WDR26: variants seen among roughly 807,000 people sequenced by gnomAD.
WDR26 encodes the protein WD repeat-containing protein 26.
In WDR26, 5 loss-of-function variants were observed where a neutral mutation model predicts 84.1. The observed-to-expected ratio is 0.06, with a 90% CI of 0.03 to 0.13. The LOEUF is 0.13. Among genes scored for constraint, WDR26 ranks in the 10% least tolerant of loss-of-function variants. The pLI, the probability that WDR26 is intolerant of heterozygous loss-of-function variation, is 1.00. For missense variants in WDR26, 642 were observed against 974.9 expected (o/e 0.66, Z 4.55); for synonymous variants, 415 against 389.6 (o/e 1.07, Z -0.77).
chr1:224,399,918 G>C (rs1001297439), intron 9 of WDR26, among the ~76,000 whole-genome samples: 1 of 152,148 alleles, frequency 6.6e-6, no homozygotes, highest in East Asian at 1.9e-4. Context: ...GCTGCAGTGA[G>C]CCATGATCAC....
chr1:224,418,858 C>T (rs1259784016), intron 5 of WDR26, among the ~76,000 whole-genome samples: 1 of 152,128 alleles, frequency 6.6e-6, no homozygotes, highest in Non-Finnish European at 1.5e-5. Context: ...CGCCTCTTGG[C>T]CTTTTGGCTA....
intron 6 of WDR26, among the ~76,000 whole-genome samples, chr1:224,417,019 T>C (rs1377349635): frequency 1.3e-5 from 2 of 152,234 alleles, no homozygotes; most frequent in Non-Finnish European, 2.9e-5. Context: ...AGTAATAATC[T>C]AATATTTTAA....
rs192035848 is a variant in WDR26, at chr1:224,425,295, T to A, written c.928-641A>T. Among the ~76,000 whole-genome samples, 17 of 152,358 alleles carry A rather than the reference T, an allele frequency of 1.1e-4. No homozygotes were observed. In the East Asian group the frequency reaches 2.3e-3, roughly 21 times the overall value. On this transcript the variant is annotated intron_variant, in intron 3 of 13. Transcript: ENST00000414423. ...ACAAGCATAAGCTTGATGCACTCAC[T>A]CTCTTCTAGGCGGCTATTAAGGGAT...
intron 12 of WDR26, 80 bp downstream of exon 12, chr1:224,398,017 T>C (rs1673310678): frequency 1.3e-6 from 2 of 1,538,450 alleles, no homozygotes; most frequent in Non-Finnish European, 1.7e-6. Context: ...TGAATTTTCT[T>C]GGAGACATGA....
intron 5 of WDR26, 125 bp downstream of exon 5, chr1:224,419,393 T>C: frequency 1.3e-6 from 1 of 741,786 alleles, no homozygotes; most frequent in East Asian, 2.7e-5. Flanking sequence ...AAAACTGGAT[T>C]CTCCCTCTTC....
Position 224,389,604 on chromosome 1 carries a change from G to T in WDR26, c.*231C>A. 1 of 592,708 alleles carries T rather than the reference G, an allele frequency of 1.7e-6. No homozygotes were observed. 36.7% of individuals were successfully genotyped at this position (592,708 alleles called of 1,614,324 possible). On this transcript the variant is annotated 3_prime_UTR_variant, in exon 14 of 14. Transcript: ENST00000414423. ...AGCACAGTTCTTCACAACCGATGGGGGAATAATTCAACATGGTGTCCAACA... is the reference window on the plus strand; with the variant it reads ...AGCACAGTTCTTCACAACCGATGGGTGAATAATTCAACATGGTGTCCAACA...
chr1:224,400,686 C>T (rs562951128), intron 9 of WDR26, among the ~76,000 whole-genome samples: 2 of 152,254 alleles, frequency 1.3e-5, no homozygotes, highest in African/African-American at 2.4e-5. Flanking sequence ...GCTGGGATTA[C>T]AGGCACCCAC....
chr1:224,398,801 AACAT>A, intron 10 of WDR26, 84 bp downstream of exon 10: 12 of 1,536,880 alleles, frequency 7.8e-6, no homozygotes, highest in Non-Finnish European at 1.1e-5. Flanking sequence ...CAAAACGAAA[AACAT>A]AAAAACTGTG....
chr1:224,399,082 G>GA (rs1673336913), intron 9 of WDR26, 48 bp from the exon 10 acceptor site: 1 of 1,420,824 alleles, frequency 7.0e-7, no homozygotes, highest in African/African-American at 1.5e-5. Flanking sequence ...ACAGCACTCA[G>GA]AAAGCAAATA....
intron 7 of WDR26, among the ~76,000 whole-genome samples, chr1:224,406,366 G>A (rs1044541971): frequency 3.3e-5 from 5 of 151,956 alleles, no homozygotes; most frequent in African/African-American, 1.2e-4. Context: ...TTAGTCTTAA[G>A]ATTTATTGAG....
intron 12 of WDR26, among the ~76,000 whole-genome samples, chr1:224,397,290 C>CA (rs1196170505): frequency 2.6e-5 from 4 of 151,614 alleles, no homozygotes; most frequent in Non-Finnish European, 4.4e-5. Context: ...CATGCCCGGC[C>CA]AAAAAAAGTG....
intron 13 of WDR26, among the ~76,000 whole-genome samples, chr1:224,393,151 T>C (rs1485542110): frequency 6.6e-6 from 1 of 152,222 alleles, no homozygotes; most frequent in East Asian, 1.9e-4. Flanking sequence ...AAAAAACCTT[T>C]CAGACTTAGA....
At chr1:224,410,527 A>G (rs1045130853) in intron 7 of WDR26, among the ~76,000 whole-genome samples, 2 of 152,044 alleles carry the variant, frequency 1.3e-5, no homozygotes, top group Non-Finnish European at 2.9e-5. Flanking sequence ...TTAAATCCAG[A>G]ATAAAATACT....
intron 7 of WDR26, among the ~76,000 whole-genome samples, chr1:224,407,970 GCAT>G (rs761365585): frequency 1.8e-4 from 28 of 152,222 alleles, no homozygotes; most frequent in South Asian, 4.1e-4. Context: ...TGGAATGTAA[GCAT>G]TAACTCTGCA....
At chr1:224,398,679 G>C in intron 10 of WDR26, 86 bp from the exon 11 acceptor site, 1 of 1,339,330 alleles carries the variant, frequency 7.5e-7, no homozygotes, top group Non-Finnish European at 1.0e-6. Context: ...GCTAGCTTAA[G>C]TATGACAATT....
chr1:224,401,204 TAC>T (rs1673403389), intron 8 of WDR26, 135 bp from the exon 9 acceptor site: 1 of 827,354 alleles, frequency 1.2e-6, no homozygotes, highest in African/African-American at 1.9e-5. Context: ...TAAGTGACCC[TAC>T]AAAAAAGAGA....
intron 8 of WDR26, among the ~76,000 whole-genome samples, chr1:224,402,270 T>C (rs1266570360): frequency 1.3e-5 from 2 of 152,146 alleles, no homozygotes; most frequent in African/African-American, 4.8e-5. Context: ...TCCCCCAAAT[T>C]GTTAACTACT....
chr1:224,421,914 C>G (rs1323722732), intron 4 of WDR26, among the ~76,000 whole-genome samples: 2 of 152,162 alleles, frequency 1.3e-5, no homozygotes, highest in African/African-American at 4.8e-5. Flanking sequence ...TTCTTTGAGG[C>G]TCAGTTTCCT....
At chr1:224,405,623 C>T (rs1053107444) in intron 7 of WDR26, among the ~76,000 whole-genome samples, 1 of 152,096 alleles carries the variant, frequency 6.6e-6, no homozygotes, top group African/African-American at 2.4e-5. Context: ...AGAATATTAC[C>T]CCCTCTCATA....
Sources: gnomAD v4.1 joint callset for allele counts (sites outside exome capture counted in the v4.1 genomes callset) on GRCh38, gnomAD v4.1.1 for gene constraint, MANE v1.5 for transcripts, NCBI Gene and HGNC (gene_info 2026-07-23, HGNC 2026-07-21) for gene names.